Variants in ABCA7 observed in about 807,000 individuals in gnomAD.
ABCA7 encodes phospholipid-transporting ATPase ABCA7.
In ABCA7, 261 loss-of-function variants were observed where a neutral mutation model predicts 227.6. The observed-to-expected ratio is 1.15, with a 90% CI of 1.04 to 1.27. The LOEUF (loss-of-function observed/expected upper bound fraction) is 1.27, where lower values mean the gene tolerates loss of function less well. ABCA7 is among the 50% of genes most tolerant of loss of function. ABCA7 has a pLI of 0.00. For synonymous variants in ABCA7, 1,488 were observed against 1,279.7 expected, an observed-to-expected ratio of 1.16 and a Z score of -3.47; for missense variants, 3,331 against 2,924.5, an observed-to-expected ratio of 1.14 and a Z score of -3.21.
intron 7 of ABCA7, 56 bp downstream of exon 7, chr19:1,042,882 G>T: frequency 6.5e-7 from 1 of 1,527,576 alleles, no homozygotes; most frequent in Non-Finnish European, 8.8e-7. Context: ...CAGGCAGCCT[G>T]CGCCGGGAGG....
chr19:1,045,813 A>C (rs1222994727), intron 12 of ABCA7, among the ~76,000 whole-genome samples: 2 of 152,068 alleles, frequency 1.3e-5, no homozygotes, highest in Non-Finnish European at 2.9e-5. Flanking sequence ...ATCCTGACTA[A>C]CTCGGTGAAA....
chr19:1,064,615 G>A, intron 45 of ABCA7: 2 of 510,322 alleles, frequency 3.9e-6, no homozygotes. Context: ...TTGTGTGGGC[G>A]GGGGTAGAGT....
chr19:1,057,452 G>T (rs1188030776), intron 35 of ABCA7, 23 bp downstream of exon 35: 1 of 1,599,612 alleles, frequency 6.3e-7, no homozygotes, highest in Admixed American at 1.7e-5. Flanking sequence ...GTCCCTCAGG[G>T]CCTATTCTTA....
chr19:1,045,615 G>A lies in ABCA7; in HGVS notation c.1445+384G>A, dbSNP rs1053457460. The A allele has an allele frequency of 8.5e-5, 20 of 235,350 alleles. 1 individual carries two copies. The highest frequency in any genetic ancestry group is 1.5e-3 in the Middle Eastern group (1 of 674). 14.6% of individuals were successfully genotyped at this position (235,350 alleles called of 1,614,324 possible). ...GGCCAAAGTGGGAGAATCTCTTGAG[G>A]ACAGGTATTCGAGACTAGCCTGGGC... On this transcript the variant is annotated intron_variant, in intron 12 of 46. Transcript: ENST00000263094.
rs761696540 is a variant in ABCA7, at chr19:1,041,561, G to C, written c.118G>C (p.Val40Leu). 11 of 1,612,978 alleles carry C rather than the reference G, an allele frequency of 6.8e-6. No homozygotes were observed. In the African/African-American group the frequency reaches 1.1e-4, roughly 16 times the overall value. ...GCCTCTCTTCCTCTTCTTCATCCTG[G>C]TGGCTGTTCGCCACTCCCACCCGCC... ...LWPLFLFFIL[V>L]AVRHSHPPLE... The change falls in exon 3 of 47, where the codon GTG (valine) becomes CTG (leucine). Residue 40 changes from valine (V) to leucine (L), a missense_variant. Transcript: ENST00000263094.
intron 40 of ABCA7, 132 bp downstream of exon 40, chr19:1,059,217 A>G: frequency 3.1e-6 from 2 of 645,316 alleles, no homozygotes; most frequent in Non-Finnish European, 4.6e-6. Context: ...GTATGCCAAT[A>G]TTTGTGCTCC....
Position 1,042,171 on chromosome 19 carries a change from G to T in ABCA7, c.410G>T (p.Ser137Ile), listed in dbSNP as rs2040107991. The change falls in exon 5 of 47, where the codon AGC (serine) becomes ATC (isoleucine). Residue 137 changes from serine (S) to isoleucine (I), a missense_variant. By Grantham distance (142) the Ser-to-Ile change is moderately radical (BLOSUM62 -2). Coordinates refer to ENST00000263094, the MANE Select transcript of ABCA7 (RefSeq NM_019112.4). ...KLIATLRAAR[S>I]TAQPQPTKQS... ...ATCGCCACGCTGAGGGCTGCACGCA[G>T]CACGGGTGAGGAGGCCGGGGGGCCT... is the stretch of plus-strand genomic sequence containing the variant. 1 of 1,600,904 alleles carries T rather than the reference G, an allele frequency of 6.2e-7. No individual in the cohort carries two copies. The highest frequency in any genetic ancestry group is 8.5e-7 in the Non-Finnish European group (1 of 1,179,218).
rs762981394 is a variant in ABCA7, at chr19:1,051,018, G to A, written c.2650G>A (p.Gly884Ser). 3.7e-6 allele frequency: 6 copies of A among 1,612,138 alleles called. No homozygotes were observed. Among genetic ancestry groups the A allele is most frequent in the East Asian group, 2.2e-5 (1 of 44,874 alleles). The change falls in exon 19 of 47, where the codon GGC (glycine) becomes AGC (serine). Residue 884 changes from glycine to serine, a missense_variant. Coordinates refer to ENST00000263094, the MANE Select transcript of ABCA7 (RefSeq NM_019112.4). ...CATGGCCGCCATCCGGCCCCACCTG[G>A]GCGTCTGTCCTCAGTACAACGTGCT... Reference protein sequence around the residue: ...SSMAAIRPHLGVCPQYNVLFD... With the variant: ...SSMAAIRPHLSVCPQYNVLFD...
chr19:1,042,479 G>A (rs1310356691), intron 6 of ABCA7, 82 bp downstream of exon 6: 1 of 1,538,866 alleles, frequency 6.5e-7, no homozygotes, highest in Non-Finnish European at 8.9e-7. Context: ...CCCGGGCCAA[G>A]GACCTCCCGT....
At position 1,054,505 on chromosome 19, in the gene ABCA7, C is replaced by A; in HGVS notation, c.3727-65C>A. ...GCCATGGGTGGTTGTAGAGCAGGAG[C>A]AGGGACAGGTGCAAGCAAGCCTGGA... On this transcript the variant is annotated intron_variant, in intron 27 of 46. Coordinates refer to ENST00000263094, the MANE Select transcript of ABCA7 (RefSeq NM_019112.4). The surrounding 1 kb of genome is among the most constrained non-coding windows in gnomAD (Gnocchi z 4.8). The A allele has an allele frequency of 6.3e-7, 1 of 1,583,178 alleles. No homozygotes were observed. The highest frequency in any genetic ancestry group is 8.6e-7 in the Non-Finnish European group (1 of 1,163,070).
chr19:1,047,654 G>A lies in ABCA7; in HGVS notation c.2269G>A (p.Gly757Ser). 1.3e-6 allele frequency: 2 copies of A among 1,592,640 alleles called. No homozygotes were observed. Reference protein sequence around the residue: ...ATWYLEAVCPGQYGIPEPWNF... With the variant: ...ATWYLEAVCPSQYGIPEPWNF... ...CTGGTACCTGGAAGCTGTGTGCCCAGGTGGGCCGTAGGGGGCGGGGCTCCG... is the reference window on the plus strand; with the variant it reads ...CTGGTACCTGGAAGCTGTGTGCCCAAGTGGGCCGTAGGGGGCGGGGCTCCG... The change falls in exon 16 of 47, where the codon GGC becomes AGC. Residue 757 changes from glycine to serine, a missense_variant and splice_region_variant. Coordinates refer to ENST00000263094, the MANE Select transcript of ABCA7 (RefSeq NM_019112.4).
At position 1,056,567 on chromosome 19, in the gene ABCA7, G is replaced by C. The variant is rs1345899761; in HGVS notation, c.4586+68G>C. 6.6e-7 allele frequency: 1 copy of C among 1,518,962 alleles called. No individual in the cohort carries two copies. Among genetic ancestry groups the C allele is most frequent in the East Asian group, 2.4e-5 (1 of 41,344 alleles). 94.1% of individuals were successfully genotyped at this position (1,518,962 alleles called of 1,614,324 possible). A position where few individuals can be genotyped will look rare whatever the true frequency, so the allele number is the denominator to read the frequency against. On this transcript the variant is annotated intron_variant, in intron 33 of 46. Coordinates refer to ENST00000263094, the MANE Select transcript of ABCA7 (RefSeq NM_019112.4). The surrounding 1 kb of genome is among the most constrained non-coding windows in gnomAD (Gnocchi z 4.3). ...CCTGCCTCCATTTCTCTGTCGTTTG[G>C]GGTGGTGGGAGCTGGATTTGAACCC...
chr19:1,060,522 C>CTTT (rs546964567), intron 40 of ABCA7, among the ~76,000 whole-genome samples: 1 of 135,178 alleles, frequency 7.4e-6, no homozygotes, highest in Admixed American at 7.4e-5. Context: ...TTGTTTTTTT[C>CTTT]TTTTTTTTTT....
chr19:1,057,789 A>G (rs781396729), intron 35 of ABCA7, 126 bp from the exon 36 acceptor site: 3 of 1,316,228 alleles, frequency 2.3e-6, no homozygotes, highest in Non-Finnish European at 3.1e-6. Context: ...AAAAAAAAAA[A>G]ACAGAAATGT....
intron 23 of ABCA7, 82 bp downstream of exon 23, chr19:1,052,368 G>A: frequency 1.1e-5 from 7 of 632,402 alleles, no homozygotes; most frequent in South Asian, 1.6e-5. Flanking sequence ...GGGGGAGGGG[G>A]AAGAGGAGGA....
At position 1,058,951 on chromosome 19, in the gene ABCA7, T is replaced by C; in HGVS notation, c.5400+11T>C. 1 of 1,610,232 alleles carries C rather than the reference T, an allele frequency of 6.2e-7. No homozygotes were observed. Among genetic ancestry groups the C allele is most frequent in the South Asian group, 1.1e-5 (1 of 90,702 alleles). The stretch of plus-strand genomic sequence containing the variant: ...AGGAACTTGACCAAGGTAGGTGTGG[T>C]CAGGTCGACTGCTGGGTGGGGGGTG... On this transcript the variant is annotated intron_variant, in intron 39 of 46. Transcript: ENST00000263094.
Position 1,052,083 on chromosome 19 carries a change from T to C in ABCA7, c.3104T>C (p.Leu1035Pro), listed in dbSNP as rs560848213. ...LRRHLGSGYY[L>P]TLVKARLPLT... ...CGTCACCTGGGCTCCGGCTACTACC[T>C]GACGCTGGTGAAGGCCCGCCTGCCC... Residue 1035 changes from leucine to proline, a missense_variant, in exon 22 of 47, where the codon CTG becomes CCG. Coordinates refer to ENST00000263094, the MANE Select transcript of ABCA7 (RefSeq NM_019112.4). 6.2e-7 allele frequency: 1 copy of C among 1,612,250 alleles called. No individual in the cohort carries two copies. The highest frequency in any genetic ancestry group is 1.3e-5 in the African/African-American group (1 of 74,952).
intron 42 of ABCA7, among the ~76,000 whole-genome samples, chr19:1,063,270 A>C: frequency 1.3e-5 from 1 of 78,064 alleles, no homozygotes; most frequent in Non-Finnish European, 2.5e-5. Flanking sequence ...CCCCATACTC[A>C]TGCTGGCTCC....
At position 1,064,219 on chromosome 19, in the gene ABCA7, C is replaced by T. The variant is rs142315228; in HGVS notation, c.6010C>T (p.Arg2004Cys). 15 of 1,573,044 alleles carry T rather than the reference C, an allele frequency of 9.5e-6. No individual in the cohort carries two copies. The highest frequency in any genetic ancestry group is 4.1e-5 in the African/African-American group (3 of 73,828). Residue 2004 changes from arginine (R) to cysteine (C), a missense_variant, in exon 45 of 47, where the codon CGC becomes TGC. Arg to Cys is a radical substitution (Grantham distance 180). Coordinates refer to ENST00000263094, the MANE Select transcript of ABCA7 (RefSeq NM_019112.4). ...GGCCATCATGGTGAATGGGCGGTTC[C>T]GCTGCCTGGGCAGCCCGCAACATCT... ...RLAIMVNGRF[R>C]CLGSPQHLKG...
Sources: gnomAD v4.1 joint callset for allele counts (sites outside exome capture counted in the v4.1 genomes callset) on GRCh38, gnomAD v4.1.1 for gene constraint, Gnocchi (gnomAD v3.1) non-coding constraint, MANE v1.5 for transcripts, NCBI Gene and HGNC (gene_info 2026-07-23, HGNC 2026-07-21) for gene names.